The following AUTS2 variants were observed in gnomAD, a reference collection of about 807,000 sequenced individuals.
AUTS2 encodes the protein activator of transcription and developmental regulator AUTS2.
Under a neutral mutation model 112.4 loss-of-function variants are expected in AUTS2, and 17 were observed. The observed-to-expected ratio is 0.15, with a 90% CI of 0.10 to 0.23. AUTS2 has a LOEUF of 0.23. Among genes scored for constraint, AUTS2 ranks in the 10% least tolerant of loss-of-function variants. The probability of loss-of-function intolerance (pLI) is 1.00; values close to 1 mark genes in which losing one functional copy is unlikely to be tolerated. For missense variants in AUTS2, 1,510 were observed against 1,701.6 expected (o/e 0.89, Z 1.98); for synonymous variants, 751 against 702.7 (o/e 1.07, Z -1.09).
At chr7:69,704,974 C>G (rs1797997989) in intron 1 of AUTS2, among the ~76,000 whole-genome samples, 1 of 152,178 alleles carries the variant, frequency 6.6e-6, no homozygotes, top group Non-Finnish European at 1.5e-5. Flanking sequence ...TCAAGTGATC[C>G]TCTCACCTCA....
At chr7:69,753,638 C>G (rs1787831884) in intron 1 of AUTS2, among the ~76,000 whole-genome samples, 1 of 152,126 alleles carries the variant, frequency 6.6e-6, no homozygotes, top group Non-Finnish European at 1.5e-5. Context: ...CAGGAAAGTC[C>G]AAAACTATGT....
At chr7:70,397,188 C>T (rs10434957) in intron 4 of AUTS2, among the ~76,000 whole-genome samples, 6 of 151,992 alleles carry the variant, frequency 3.9e-5, no homozygotes, top group East Asian at 1.9e-4. Context: ...CTCAGCCTCC[C>T]GAGTAGCTGG....
At chr7:69,815,955 G>A (rs929779091) in intron 1 of AUTS2, among the ~76,000 whole-genome samples, 5 of 152,172 alleles carry the variant, frequency 3.3e-5, no homozygotes, top group African/African-American at 1.2e-4. Flanking sequence ...ACTTCCTGTT[G>A]GAAGCAGTAA....
chr7:70,552,805 T>G (rs1449201969), intron 5 of AUTS2, among the ~76,000 whole-genome samples: 2 of 152,116 alleles, frequency 1.3e-5, no homozygotes, highest in Non-Finnish European at 2.9e-5. Context: ...TAACAGGAAG[T>G]GAATGAAGTA....
intron 2 of AUTS2, among the ~76,000 whole-genome samples, chr7:70,014,736 C>T (rs1430337088): frequency 6.6e-6 from 1 of 152,186 alleles, no homozygotes; most frequent in African/African-American, 2.4e-5. Context: ...GGCAGGATAA[C>T]AGGTTGAGTT....
chr7:70,744,521 A>G (rs572457522), intron 6 of AUTS2, among the ~76,000 whole-genome samples: 1 of 152,310 alleles, frequency 6.6e-6, no homozygotes, highest in South Asian at 2.1e-4. Context: ...AGGAGGACAT[A>G]TAAGGAAGAG....
chr7:70,510,302 A>G (rs1488496884), intron 5 of AUTS2, among the ~76,000 whole-genome samples: 1 of 152,228 alleles, frequency 6.6e-6, no homozygotes, highest in Non-Finnish European at 1.5e-5. Flanking sequence ...AAGCTCTCTT[A>G]AACTTTATCT....
chr7:70,753,252 T>C lies in AUTS2; in HGVS notation c.743-9618T>C, dbSNP rs375969002. Among the ~76,000 whole-genome samples, 372 of 152,288 alleles carry C rather than the reference T, an allele frequency of 2.4e-3. 5 individuals are homozygous for C. Among genetic ancestry groups the C allele is most frequent in the South Asian group, 7.5e-3 (36 of 4,820 alleles). ...AGTGGGCTGCTGGTGTTTTGGCAGA[T>C]GCAATGGCTATTTTTTCCTATTTAG... On this transcript the variant is annotated intron_variant, in intron 6 of 18. Coordinates refer to ENST00000342771, the MANE Select transcript of AUTS2 (RefSeq NM_015570.4).
chr7:70,050,355 C>CAAAAAAAAAAA (rs60714093), intron 2 of AUTS2, among the ~76,000 whole-genome samples: 1 of 72,862 alleles, frequency 1.4e-5, no homozygotes, highest in Non-Finnish European at 2.4e-5. Context: ...GACTCTGTCT[C>CAAAAAAAAAAA]AAAAAAAAAA....
chr7:70,435,834 A>T (rs1585141785), intron 5 of AUTS2, 53 bp downstream of exon 5: 2 of 1,583,224 alleles, frequency 1.3e-6, no homozygotes, highest in East Asian at 2.2e-5. Flanking sequence ...ACTGAACACC[A>T]GAGTCCTCCC....
intron 2 of AUTS2, among the ~76,000 whole-genome samples, chr7:70,107,599 C>T (rs1351554173): frequency 6.6e-6 from 1 of 150,460 alleles, no homozygotes; most frequent in Non-Finnish European, 1.5e-5. Context: ...ATCTCGGCCT[C>T]CCAAAGTGCT....
At position 70,322,816 on chromosome 7, in the gene AUTS2, A is replaced by G. The variant is rs76091490; in HGVS notation, c.661-112936A>G. ...GAATGCCCTGTACGGATACCAATTC[A>G]TTCGTGGGAGATAGTACAGGGGCAG... On this transcript the variant is annotated intron_variant, in intron 4 of 18. Coordinates refer to ENST00000342771, the MANE Select transcript of AUTS2 (RefSeq NM_015570.4). 7.2e-5 allele frequency among the ~76,000 whole-genome samples: 11 copies of G among 152,298 alleles called. No individual in the cohort carries two copies. The East Asian group carries it at 9.7e-4, about 13-fold the overall frequency.
At chr7:70,246,158 G>A (rs575494297) in intron 4 of AUTS2, among the ~76,000 whole-genome samples, 2 of 152,002 alleles carry the variant, frequency 1.3e-5, no homozygotes, top group African/African-American at 2.4e-5. Context: ...GTTTATCAGC[G>A]CATTCTGTTT....
rs1491381480 is a variant in AUTS2, at chr7:69,978,901, C to CACAT, written c.522+79403_522+79404insACAT. On this transcript the variant is annotated intron_variant, in intron 2 of 18. Coordinates refer to ENST00000342771, the MANE Select transcript of AUTS2 (RefSeq NM_015570.4). Reference sequence around the variant, plus strand: ...ACACACACACACACACACACACACACGCACACACGCACACACACACGCACA... The same window carrying CACAT: ...ACACACACACACACACACACACACACACATGCACACACGCACACACACACGCACA... 7.0e-5 allele frequency among the ~76,000 whole-genome samples: 9 copies of CACAT among 129,110 alleles called. No individual in the cohort carries two copies. In the South Asian group the frequency reaches 1.0e-3, roughly 15 times the overall value. 84.7% of individuals were successfully genotyped at this position (129,110 alleles called of 152,430 possible).
chr7:70,041,701 CT>C (rs139999483), intron 2 of AUTS2, among the ~76,000 whole-genome samples: 1,536 of 152,134 alleles, frequency 0.01, 36 homozygotes, highest in African/African-American at 0.035. Flanking sequence ...GGTTTAAAAT[CT>C]TATCTGAGCC....
chr7:69,599,850 C>T lies in AUTS2; in HGVS notation c.197C>T (p.Ala66Val). 1 of 1,612,760 alleles carries T rather than the reference C, an allele frequency of 6.2e-7. No homozygotes were observed. The highest frequency in any genetic ancestry group is 8.5e-7 in the Non-Finnish European group (1 of 1,179,694). Residue 66 changes from alanine to valine, a missense_variant, in exon 1 of 19, where the codon GCC becomes GTC. This residue lies in a region of AUTS2 where 535 missense variants were observed against 594.3 expected (regional missense o/e 0.90). Coordinates refer to ENST00000342771, the MANE Select transcript of AUTS2 (RefSeq NM_015570.4). The surrounding 1 kb of genome is among the most constrained non-coding windows in gnomAD (Gnocchi z 7.0). ...KEDNGKPPSS[A>V]PSRPRPPRRK... ...GACAATGGGAAGCCCCCGTCCTCCG[C>T]CCCGTCCCGGCCCAGACCCCCGCGG...
rs560928664 is a variant in AUTS2, at chr7:70,071,854, G to A, written c.523-46278G>A. On this transcript the variant is annotated intron_variant, in intron 2 of 18. Transcript: ENST00000342771. ...GCATTTAAGTTAGAGGAGGCAGCCAGGGCTGTTTTATTACTTAGTCCTGTG... is the reference window on the plus strand; with the variant it reads ...GCATTTAAGTTAGAGGAGGCAGCCAAGGCTGTTTTATTACTTAGTCCTGTG... 2.0e-5 allele frequency among the ~76,000 whole-genome samples: 3 copies of A among 152,288 alleles called. No homozygotes were observed. The South Asian group carries it at 6.2e-4, about 32-fold the overall frequency.
At chr7:70,651,092 G>A (rs1455295400) in intron 5 of AUTS2, among the ~76,000 whole-genome samples, 1 of 152,204 alleles carries the variant, frequency 6.6e-6, no homozygotes, top group Admixed American at 6.5e-5. Flanking sequence ...AGCACTTGCT[G>A]TTTGAGATAA....
intron 4 of AUTS2, among the ~76,000 whole-genome samples, chr7:70,369,800 A>G (rs1792757093): frequency 6.6e-6 from 1 of 152,188 alleles, no homozygotes; most frequent in African/African-American, 2.4e-5. Context: ...ATAATAATCC[A>G]GGTATCTTCT....
Sources: gnomAD v4.1 joint callset for allele counts (sites outside exome capture counted in the v4.1 genomes callset) on GRCh38, gnomAD v4.1.1 for gene constraint, gnomAD v4.1.1 regional missense constraint, Gnocchi (gnomAD v3.1) non-coding constraint, MANE v1.5 for transcripts, NCBI Gene and HGNC (gene_info 2026-07-23, HGNC 2026-07-21) for gene names.